The following DCDC2 variants were observed in gnomAD, a reference collection of about 807,000 sequenced individuals.
DCDC2 encodes doublecortin domain-containing protein 2.
A neutral mutation model predicts 50.2 loss-of-function variants in DCDC2; 40 were observed. That is an observed-to-expected ratio of 0.80 (90% CI 0.62 to 1.04). DCDC2 has a LOEUF of 1.04. DCDC2 is among the 50% of genes least tolerant of loss of function. The pLI is 0.00. For missense variants in DCDC2, 570 were observed against 581.9 expected, an observed-to-expected ratio of 0.98 and a Z score of 0.21; for synonymous variants, 234 against 210.6, an observed-to-expected ratio of 1.11 and a Z score of -0.96.
chr6:24,286,322 G>A (rs1763608422), intron 6 of DCDC2, among the ~76,000 whole-genome samples: 1 of 152,158 alleles, frequency 6.6e-6, no homozygotes, highest in Non-Finnish European at 1.5e-5. Flanking sequence ...GCCAGGTGCG[G>A]TGGCTCACAC....
intron 2 of DCDC2, among the ~76,000 whole-genome samples, chr6:24,305,464 TC>T (rs1759453627): frequency 6.6e-6 from 1 of 152,200 alleles, no homozygotes; most frequent in Non-Finnish European, 1.5e-5. Context: ...AAAAAATGAT[TC>T]ATACTTTTTA....
chr6:24,357,604 C>T lies in DCDC2; in HGVS notation c.147G>A (p.Lys49=). ...GTGCCTGAACGCCGCCGGTCACCTC[C>T]TTCAGGAAGACTTCGAAGCTGGACA... ...KKVSSFEVFL[K]EVTGGVQAPF... The change falls in exon 1 of 10, where the codon AAG becomes AAA. Residue 49 remains lysine (K), a synonymous_variant. Transcript: ENST00000378454. The T allele has an allele frequency of 6.2e-7, 1 of 1,613,508 alleles. No homozygotes were observed. The highest frequency in any genetic ancestry group is 1.1e-5 in the South Asian group (1 of 91,088).
chr6:24,310,777 T>C lies in DCDC2; in HGVS notation c.349-8733A>G, dbSNP rs1295737589. Reference sequence around the variant, plus strand: ...GCAGAGTCACTAAAACATAAGAAATTTGTTTTGCATTATTCAGTTTTCATA... The same window carrying C: ...GCAGAGTCACTAAAACATAAGAAATCTGTTTTGCATTATTCAGTTTTCATA... On this transcript the variant is annotated intron_variant, in intron 2 of 9. Coordinates refer to ENST00000378454, the MANE Select transcript of DCDC2 (RefSeq NM_016356.5). Among the ~76,000 whole-genome samples, 3 of 152,204 alleles carry C rather than the reference T, an allele frequency of 2.0e-5. No homozygotes were observed. The East Asian group carries it at 5.8e-4, about 29-fold the overall frequency.
At chr6:24,200,036 G>A (rs1162920150) in intron 8 of DCDC2, among the ~76,000 whole-genome samples, 1 of 152,078 alleles carries the variant, frequency 6.6e-6, no homozygotes, top group African/African-American at 2.4e-5. Flanking sequence ...ACAACTGATT[G>A]GAGTCCCTAA....
intron 7 of DCDC2, among the ~76,000 whole-genome samples, chr6:24,209,766 T>C (rs1007625173): frequency 2.6e-5 from 4 of 152,218 alleles, no homozygotes; most frequent in African/African-American, 9.6e-5. Flanking sequence ...CTTCTCTAGG[T>C]AGTAAAAGTG....
chr6:24,219,510 C>G (rs1362136511), intron 7 of DCDC2, among the ~76,000 whole-genome samples: 1 of 152,180 alleles, frequency 6.6e-6, no homozygotes, highest in Non-Finnish European at 1.5e-5. Flanking sequence ...TCTAATCTGC[C>G]AACCATGACC....
At chr6:24,363,847 G>A in the DCDC2 span, among the ~76,000 whole-genome samples, 27 of 152,124 alleles carry the variant, frequency 1.8e-4, no homozygotes, top group Non-Finnish European at 2.9e-4. Context: ...ATCCTGAAAG[G>A]TCGCTGAAAA....
intron 4 of DCDC2, among the ~76,000 whole-genome samples, chr6:24,300,517 T>C (rs1035923910): frequency 1.3e-5 from 2 of 152,222 alleles, no homozygotes; most frequent in South Asian, 4.1e-4. Context: ...TTATATCGTA[T>C]TTGAATTTTT....
intron 8 of DCDC2, among the ~76,000 whole-genome samples, chr6:24,190,189 C>A (rs1318442806): frequency 6.6e-6 from 1 of 152,040 alleles, no homozygotes; most frequent in Non-Finnish European, 1.5e-5. Context: ...TGTGGCCAGT[C>A]ACCTGGAAGC....
chr6:24,276,679 ATTTCT>A (rs1763365694), intron 7 of DCDC2, among the ~76,000 whole-genome samples: 1 of 152,062 alleles, frequency 6.6e-6, no homozygotes, highest in African/African-American at 2.4e-5. Context: ...CTTAGGGCTA[ATTTCT>A]TTTCTTTGAT....
At chr6:24,368,086 T>A in the DCDC2 span, among the ~76,000 whole-genome samples, 1 of 151,860 alleles carries the variant, frequency 6.6e-6, no homozygotes, top group Non-Finnish European at 1.5e-5. Flanking sequence ...TAAAACAGTA[T>A]ATTCAGATAA....
intron 7 of DCDC2, among the ~76,000 whole-genome samples, chr6:24,244,947 C>G (rs1762639280): frequency 6.6e-6 from 1 of 152,182 alleles, no homozygotes; most frequent in Non-Finnish European, 1.5e-5. Flanking sequence ...GTAATCCCAG[C>G]ACATTGGGAG....
At chr6:24,303,170 C>T (rs1759413167) in intron 2 of DCDC2, among the ~76,000 whole-genome samples, 1 of 151,996 alleles carries the variant, frequency 6.6e-6, no homozygotes, top group African/African-American at 2.4e-5. Context: ...TCAAGTACAG[C>T]TGCCATCTCT....
chr6:24,311,581 G>A (rs919012629), intron 2 of DCDC2, among the ~76,000 whole-genome samples: 1 of 152,130 alleles, frequency 6.6e-6, no homozygotes, highest in African/African-American at 2.4e-5. Context: ...ATTTACAGTT[G>A]TAAAACACAT....
At chr6:24,282,294 G>A (rs1269954580) in intron 6 of DCDC2, among the ~76,000 whole-genome samples, 1 of 151,950 alleles carries the variant, frequency 6.6e-6, no homozygotes, top group Non-Finnish European at 1.5e-5. Flanking sequence ...CCAGGCTAGA[G>A]TGCAGTGGTG....
chr6:24,339,360 C>T (rs1261512051), intron 2 of DCDC2, among the ~76,000 whole-genome samples: 12 of 152,146 alleles, frequency 7.9e-5, no homozygotes, highest in Admixed American at 7.2e-4. Context: ...CTCCACTACA[C>T]AGCCAGCTTC....
intron 8 of DCDC2, among the ~76,000 whole-genome samples, chr6:24,204,436 A>G (rs1288144440): frequency 1.3e-5 from 2 of 152,186 alleles, no homozygotes; most frequent in East Asian, 1.9e-4. Context: ...GAGCTGAACA[A>G]TGAAAACACA....
intron 2 of DCDC2, among the ~76,000 whole-genome samples, chr6:24,302,588 C>G (rs1759402057): frequency 6.6e-6 from 1 of 152,100 alleles, no homozygotes; most frequent in African/African-American, 2.4e-5. Flanking sequence ...CAGGTACACT[C>G]ACGCCAGCAC....
At chr6:24,358,510 AT>A (rs1760526616), upstream of DCDC2, among the ~76,000 whole-genome samples, 1 of 129,724 alleles carries the variant, frequency 7.7e-6, no homozygotes. Flanking sequence ...GGTCTCTACA[AT>A]TAAAAAAAAA....
Sources: gnomAD v4.1 joint callset for allele counts (sites outside exome capture counted in the v4.1 genomes callset) on GRCh38, gnomAD v4.1.1 for gene constraint, MANE v1.5 for transcripts, NCBI Gene and HGNC (gene_info 2026-07-23, HGNC 2026-07-21) for gene names.